PCDH11X: variants seen among roughly 807,000 people sequenced by gnomAD.
The protein encoded by PCDH11X is protocadherin-11 X-linked.
In PCDH11X, 18 loss-of-function variants were observed where a neutral mutation model predicts 53.3. That is an observed-to-expected ratio of 0.34 (90% confidence interval 0.23 to 0.50). PCDH11X has a LOEUF of 0.50. PCDH11X is among the 20% of genes least tolerant of loss of function. The pLI, the probability that PCDH11X is intolerant of heterozygous loss-of-function variation, is 0.98. For synonymous variants in PCDH11X, 279 were observed against 393.3 expected (o/e 0.71, Z 3.44); for missense variants, 570 against 1,032.4 (o/e 0.55, Z 6.14).
At chrX:91,951,153 G>C (rs2061636467) in intron 6 of PCDH11X, among the ~76,000 whole-genome samples, 2 of 111,240 alleles carry the variant, frequency 1.8e-5, no homozygotes, top group African/African-American at 6.5e-5. Flanking sequence ...TGTTAAATAT[G>C]AGTGTACTTA....
intron 6 of PCDH11X, among the ~76,000 whole-genome samples, chrX:92,128,887 A>G (rs2760024): frequency 0.02 from 2,171 of 108,871 alleles, 104 homozygotes; most frequent in African/African-American, 0.072. Flanking sequence ...GCAGCATAAT[A>G]TTCTGGACAT....
chrX:92,568,470 A>G (rs765977743), intron 10 of PCDH11X, among the ~76,000 whole-genome samples: 6 of 108,399 alleles, frequency 5.5e-5, no homozygotes, highest in South Asian at 4.1e-4. Flanking sequence ...ATCACTTTAG[A>G]GTCAATATTC....
chrX:92,310,096 G>A (rs2068917740), intron 8 of PCDH11X, among the ~76,000 whole-genome samples: 1 of 111,567 alleles, frequency 9.0e-6, no homozygotes, highest in Admixed American at 9.6e-5. Flanking sequence ...TCACTCTGTT[G>A]CTGTTTTTGT....
At chrX:92,527,150 G>A (rs2074469193) in intron 10 of PCDH11X, among the ~76,000 whole-genome samples, 1 of 111,620 alleles carries the variant, frequency 9.0e-6, no homozygotes, top group Non-Finnish European at 1.9e-5. Context: ...ATGAGGTGGA[G>A]ATGGTTAATG....
At chrX:92,398,007 C>A (rs2148585036) in intron 9 of PCDH11X, among the ~76,000 whole-genome samples, 1 of 110,087 alleles carries the variant, frequency 9.1e-6, no homozygotes, top group South Asian at 3.8e-4. Flanking sequence ...AAATTAAATC[C>A]AAATATTGAA....
chrX:92,464,267 C>A (rs745901930), intron 9 of PCDH11X, among the ~76,000 whole-genome samples: 9 of 111,200 alleles, frequency 8.1e-5, no homozygotes, highest in African/African-American at 2.9e-4. Flanking sequence ...TGTGTCCCCA[C>A]CCAAATCTGA....
intron 6 of PCDH11X, among the ~76,000 whole-genome samples, chrX:92,109,071 G>T (rs2148153003): frequency 9.0e-6 from 1 of 110,984 alleles, no homozygotes; most frequent in South Asian, 3.9e-4. Context: ...TTGGAGGAAT[G>T]CTTGGGGACT....
chrX:92,363,151 A>G (rs112292084), intron 8 of PCDH11X, among the ~76,000 whole-genome samples: 40 of 111,137 alleles, frequency 3.6e-4, no homozygotes, highest in Middle Eastern at 4.8e-3. Context: ...TTGAAATTCC[A>G]TATGTTTTTT....
At chrX:92,329,528 A>G (rs1391846172) in intron 8 of PCDH11X, among the ~76,000 whole-genome samples, 1 of 111,923 alleles carries the variant, frequency 8.9e-6, no homozygotes, top group African/African-American at 3.2e-5. Flanking sequence ...CTGTACTCCC[A>G]TGTTTATTGT....
intron 10 of PCDH11X, among the ~76,000 whole-genome samples, chrX:92,537,305 C>G (rs1156515265): frequency 1.9e-5 from 2 of 107,963 alleles, no homozygotes; most frequent in African/African-American, 3.4e-5. Flanking sequence ...TTTTCCCCCC[C>G]AAAAGTGAAA....
chrX:92,368,059 G>A (rs945969372), intron 8 of PCDH11X, among the ~76,000 whole-genome samples: 9 of 102,132 alleles, frequency 8.8e-5, no homozygotes, highest in African/African-American at 3.3e-4. Context: ...GGTTGGTGAA[G>A]TTCTCCTGGA....
At position 92,432,873 on chromosome X, in the gene PCDH11X, A is replaced by G. The variant is rs1475043128; in HGVS notation, c.3344-35426A>G. 2.7e-5 allele frequency among the ~76,000 whole-genome samples: 3 copies of G among 109,983 alleles called. No homozygotes were observed. In the East Asian group the frequency reaches 8.6e-4, roughly 31 times the overall value. On this transcript the variant is annotated intron_variant, in intron 9 of 10. Coordinates refer to ENST00000682573, the MANE Select transcript of PCDH11X (RefSeq NM_032968.5). ...ACTTTCATAAGTTTTCAAAATTTATATTTTTTATTTTTATGTTTTAAATCA... is the reference window on the plus strand; with the variant it reads ...ACTTTCATAAGTTTTCAAAATTTATGTTTTTTATTTTTATGTTTTAAATCA...
chrX:92,465,765 AG>A (rs2073145420), intron 9 of PCDH11X, among the ~76,000 whole-genome samples: 1 of 111,009 alleles, frequency 9.0e-6, no homozygotes, highest in South Asian at 3.7e-4. Context: ...GATAAATTTT[AG>A]TAATATTTAT....
chrX:92,193,021 G>A (rs371560635), intron 6 of PCDH11X, among the ~76,000 whole-genome samples: 1 of 111,978 alleles, frequency 8.9e-6, no homozygotes, highest in Non-Finnish European at 1.9e-5. Context: ...TTACAGGTGT[G>A]AGCCACCATG....
chrX:92,479,034 T>C (rs1002840911), intron 10 of PCDH11X, among the ~76,000 whole-genome samples: 13 of 110,717 alleles, frequency 1.2e-4, no homozygotes, highest in Non-Finnish European at 2.5e-4. Flanking sequence ...TTTATGAATC[T>C]GAGTGCTAAT....
intron 8 of PCDH11X, among the ~76,000 whole-genome samples, chrX:92,318,048 T>A (rs1471385164): frequency 9.0e-6 from 1 of 111,399 alleles, no homozygotes; most frequent in East Asian, 2.8e-4. Context: ...TTTCTTAGCT[T>A]CTTTTATCTT....
intron 6 of PCDH11X, among the ~76,000 whole-genome samples, chrX:91,974,900 G>A (rs779540566): frequency 6.4e-5 from 7 of 109,895 alleles, no homozygotes; most frequent in South Asian, 4.0e-4. Flanking sequence ...CTACAGGCTC[G>A]TGCCACCATG....
intron 7 of PCDH11X, among the ~76,000 whole-genome samples, chrX:92,221,183 A>G (rs2066864201): frequency 1.0e-5 from 1 of 98,592 alleles, no homozygotes; most frequent in African/African-American, 3.6e-5. Flanking sequence ...CATGTACCCT[A>G]AAACTTAAAG....
At chrX:92,187,928 C>T (rs903790228) in intron 6 of PCDH11X, among the ~76,000 whole-genome samples, 61 of 111,704 alleles carry the variant, frequency 5.5e-4, no homozygotes, top group Non-Finnish European at 5.5e-4. Context: ...AAGATTAGGA[C>T]TTCAGTGAAC....
Sources: allele counts gnomAD v4.1 joint callset (sites outside exome capture counted in the v4.1 genomes callset), GRCh38; gene constraint gnomAD v4.1.1; transcripts MANE v1.5; gene names NCBI Gene and HGNC (gene_info 2026-07-23, HGNC 2026-07-21).